ATP2C2: variants seen among roughly 807,000 people sequenced by gnomAD.
The protein encoded by ATP2C2 is ATPase secretory pathway Ca2+ transporting 2, also known as calcium-transporting ATPase type 2C member 2.
ATP2C2 carries 171 observed loss-of-function variants against 110.8 expected under a neutral mutation model. That is an observed-to-expected ratio of 1.54 (90% CI 1.36 to 1.75). ATP2C2 has a LOEUF of 1.75. ATP2C2 is among the 40% of genes most tolerant of loss of function. ATP2C2 has a pLI of 0.00. For missense variants in ATP2C2, 1,963 were observed against 1,235.0 expected, an observed-to-expected ratio of 1.59 and a Z score of -8.84; for synonymous variants, 804 against 508.4, an observed-to-expected ratio of 1.58 and a Z score of -7.82.
chr16:84,392,803 C>T (rs1352194918), intron 1 of ATP2C2, among the ~76,000 whole-genome samples: 4 of 152,070 alleles, frequency 2.6e-5, no homozygotes, highest in Non-Finnish European at 4.4e-5. Flanking sequence ...CTGGGGAGGC[C>T]GGGCTGTGTG....
intron 16 of ATP2C2, 73 bp from the exon 17 acceptor site, chr16:84,448,460 C>T (rs192588033): frequency 2.7e-6 from 4 of 1,499,252 alleles, no homozygotes; most frequent in East Asian, 2.3e-5. Context: ...TAACCTTGTG[C>T]AGAGTGGGGT....
At chr16:84,455,052 C>A (rs1397116495) in intron 21 of ATP2C2, 68 bp downstream of exon 21, 2 of 1,401,188 alleles carry the variant, frequency 1.4e-6, no homozygotes, top group Non-Finnish European at 2.0e-6. Flanking sequence ...TCCCTGGAAC[C>A]TGCTACTGTG....
chr16:84,393,250 C>T (rs78064046), intron 1 of ATP2C2, among the ~76,000 whole-genome samples: 6 of 152,116 alleles, frequency 3.9e-5, no homozygotes, highest in Non-Finnish European at 7.4e-5. Flanking sequence ...GGAATCAACC[C>T]GGGGCAGATT....
At chr16:84,401,905 A>G (rs1905349223) in intron 2 of ATP2C2, among the ~76,000 whole-genome samples, 1 of 151,836 alleles carries the variant, frequency 6.6e-6, no homozygotes, top group Non-Finnish European at 1.5e-5. Context: ...GATTAAATCT[A>G]TAGATTGCTT....
intron 3 of ATP2C2, chr16:84,406,509 A>C (rs949551709): frequency 1.2e-6 from 1 of 854,358 alleles, no homozygotes; most frequent in South Asian, 5.4e-5. Context: ...CCATTGGTCG[A>C]TTCCGGAACC....
Position 84,368,641 on chromosome 16 carries a change from T to C in ATP2C2, c.26T>C (p.Phe9Ser). 6.4e-7 allele frequency: 1 copy of C among 1,564,948 alleles called. No homozygotes were observed. Among genetic ancestry groups the C allele is most frequent in the Non-Finnish European group, 8.6e-7 (1 of 1,156,392 alleles). ...ATGGTCGAGGGACGCGTCTCCGAGT[T>C]CCTGAAGAAACTCGGCTTCTCGGGC... MVEGRVSE[F>S]LKKLGFSGGG... The change falls in exon 1 of 27, where the codon TTC becomes TCC. Residue 9 changes from phenylalanine (F) to serine (S), a missense_variant. Coordinates refer to ENST00000262429, the MANE Select transcript of ATP2C2 (RefSeq NM_014861.4).
chr16:84,419,463 C>T (rs1907135783), intron 7 of ATP2C2, among the ~76,000 whole-genome samples: 1 of 152,162 alleles, frequency 6.6e-6, no homozygotes, highest in Admixed American at 6.5e-5. Context: ...TCACGCAGAC[C>T]ATATTCTCCC....
intron 7 of ATP2C2, among the ~76,000 whole-genome samples, chr16:84,420,472 C>CT (rs35715518): frequency 0.32 from 30,457 of 95,692 alleles, 3,886 homozygotes; most frequent in African/African-American, 0.44. Context: ...CCCTTTCTTT[C>CT]TTTTTTTTTT....
intron 6 of ATP2C2, among the ~76,000 whole-genome samples, chr16:84,412,288 G>GTA (rs755101789): frequency 1.6e-5 from 1 of 62,948 alleles, no homozygotes; most frequent in Admixed American, 1.8e-4. Context: ...GTGTGTGCAC[G>GTA]TATGTGTGTG....
chr16:84,386,158 C>T (rs773756124), intron 1 of ATP2C2, among the ~76,000 whole-genome samples: 1 of 152,140 alleles, frequency 6.6e-6, no homozygotes, highest in Non-Finnish European at 1.5e-5. Flanking sequence ...GTATCCTTGG[C>T]TGTTTTTACC....
chr16:84,404,148 G>A lies in ATP2C2; in HGVS notation c.211-980G>A, dbSNP rs147191117. Among the ~76,000 whole-genome samples the A allele has an allele frequency of 6.6e-5, 10 of 152,306 alleles. No individual in the cohort carries two copies. The East Asian group carries it at 1.2e-3, about 18-fold the overall frequency. The stretch of plus-strand genomic sequence containing the variant: ...CAGGAATATCCCCACGTTCAGGTAC[G>A]TGAAAACTCACTGAATCCTATCTTT... On this transcript the variant is annotated intron_variant, in intron 2 of 26. Coordinates refer to ENST00000262429, the MANE Select transcript of ATP2C2 (RefSeq NM_014861.4).
chr16:84,374,994 G>A (rs555173147), intron 1 of ATP2C2, among the ~76,000 whole-genome samples: 26 of 152,262 alleles, frequency 1.7e-4, no homozygotes, highest in East Asian at 1.3e-3. Flanking sequence ...GATGGTATTC[G>A]GATGGTTGTT....
chr16:84,453,243 C>A lies in ATP2C2; in HGVS notation c.1929+8C>A. ...GCCGACCGCGTGGGGAAGGTGGGTCCCCGGAGGCTTGGCTGGCAGTGGGGC... is the reference window on the plus strand; with the variant it reads ...GCCGACCGCGTGGGGAAGGTGGGTCACCGGAGGCTTGGCTGGCAGTGGGGC... On this transcript the variant is annotated splice_region_variant and intron_variant, in intron 19 of 26. Transcript: ENST00000262429. 1.9e-6 allele frequency: 3 copies of A among 1,613,944 alleles called. No homozygotes were observed. The highest frequency in any genetic ancestry group is 1.7e-6 in the Non-Finnish European group (2 of 1,179,916).
chr16:84,437,547 C>T (rs541199726), intron 11 of ATP2C2, among the ~76,000 whole-genome samples: 9 of 152,120 alleles, frequency 5.9e-5, no homozygotes, highest in African/African-American at 2.2e-4. Flanking sequence ...GATGGAGTCT[C>T]ACTCTGTCAC....
chr16:84,400,613 CACCGCGCCCAG>C (rs1221980124), intron 2 of ATP2C2, among the ~76,000 whole-genome samples: 5 of 152,182 alleles, frequency 3.3e-5, no homozygotes, highest in African/African-American at 9.7e-5. Flanking sequence ...AGGCATGAGC[CACCGCGCCCAG>C]CGTATTTTTA....
chr16:84,460,313 C>T (rs773575549), intron 23 of ATP2C2: 5 of 369,184 alleles, frequency 1.4e-5, no homozygotes, highest in South Asian at 5.1e-5. Flanking sequence ...CTGCGGAGGG[C>T]GGAGCCTGGA....
At chr16:84,395,512 G>A (rs1424398857) in intron 1 of ATP2C2, among the ~76,000 whole-genome samples, 1 of 150,346 alleles carries the variant, frequency 6.7e-6, no homozygotes, top group East Asian at 1.9e-4. Context: ...AGGCTGGAGT[G>A]CAGTGGCATG....
intron 3 of ATP2C2, 90 bp downstream of exon 3, chr16:84,405,334 A>T: frequency 8.9e-7 from 1 of 1,117,850 alleles, no homozygotes; most frequent in Non-Finnish European, 1.3e-6. Flanking sequence ...GATGGAAGGC[A>T]TCCTTGGACA....
chr16:84,413,950 T>G (rs73243755), intron 6 of ATP2C2, among the ~76,000 whole-genome samples: 6,196 of 152,210 alleles, frequency 0.041, 164 homozygotes, highest in Non-Finnish European at 0.052. Flanking sequence ...GAGTACATAA[T>G]AAGCCAGTGA....
Sources: gnomAD v4.1 joint callset for allele counts (sites outside exome capture counted in the v4.1 genomes callset) on GRCh38, gnomAD v4.1.1 for gene constraint, MANE v1.5 for transcripts, NCBI Gene and HGNC (gene_info 2026-07-23, HGNC 2026-07-21) for gene names.